Variants in ZNF469 observed in about 807,000 individuals in gnomAD.
The protein encoded by ZNF469 is zinc finger protein 469.
Under a neutral mutation model 1.0 loss-of-function variants are expected in ZNF469, and 1 was observed. That is an observed-to-expected ratio of 1.00 (90% CI 0.35 to 4.73). The LOEUF (loss-of-function observed/expected upper bound fraction) is 4.73, where lower values mean the gene tolerates loss of function less well. ZNF469 is among the 30% of genes most tolerant of loss of function. The pLI, the probability that ZNF469 is intolerant of heterozygous loss-of-function variation, is 0.16. For missense variants in ZNF469, 6,100 were observed against 5,356.3 expected, an observed-to-expected ratio of 1.14 and a Z score of -4.33; for synonymous variants, 2,703 against 2,363.4, an observed-to-expected ratio of 1.14 and a Z score of -4.17.
At chr16:88,384,552 C>T (rs1025776857) in intron 1 of ZNF469, among the ~76,000 whole-genome samples, 3 of 152,200 alleles carry the variant, frequency 2.0e-5, no homozygotes, top group African/African-American at 7.2e-5. Flanking sequence ...ATGCGCCTGG[C>T]AGGTCCCAGA....
intron 1 of ZNF469, among the ~76,000 whole-genome samples, chr16:88,400,859 T>C (rs1904833766): frequency 6.6e-6 from 1 of 151,124 alleles, no homozygotes. Context: ...CCCAAGACAG[T>C]GGTTACCACC....
chr16:88,376,201 T>G, the ZNF469 span, among the ~76,000 whole-genome samples: 3 of 152,204 alleles, frequency 2.0e-5, no homozygotes, highest in Admixed American at 2.0e-4. Context: ...CACACATCAA[T>G]GCGCCTTTTA....
the ZNF469 span, among the ~76,000 whole-genome samples, chr16:88,251,536 G>GTGTTTTTTTTT: frequency 4.2e-3 from 332 of 78,792 alleles, 47 homozygotes; most frequent in Non-Finnish European, 6.0e-3. Flanking sequence ...TGTCCCTGCT[G>GTGTTTTTTTTT]TCTTTTTTTT....
At chr16:88,423,707 C>T (rs1328931235) in intron 1 of ZNF469, among the ~76,000 whole-genome samples, 3 of 152,196 alleles carry the variant, frequency 2.0e-5, no homozygotes, top group Non-Finnish European at 4.4e-5. Context: ...CAAGATGGCT[C>T]CCTCACACAG....
chr16:88,122,111 GTCAC>G, the ZNF469 span, among the ~76,000 whole-genome samples: 5 of 143,950 alleles, frequency 3.5e-5, no homozygotes, highest in African/African-American at 1.0e-4. Flanking sequence ...ATCACACTCT[GTCAC>G]TCACTGTGGC....
chr16:88,403,949 G>A (rs980627891), intron 1 of ZNF469, among the ~76,000 whole-genome samples: 4 of 152,190 alleles, frequency 2.6e-5, no homozygotes, highest in South Asian at 2.1e-4. Flanking sequence ...CTGTGGCTTC[G>A]GGCGGTGCTG....
At chr16:88,380,208 C>T (rs531632318), upstream of ZNF469, among the ~76,000 whole-genome samples, 4 of 151,496 alleles carry the variant, frequency 2.6e-5, no homozygotes, top group Admixed American at 2.0e-4. Flanking sequence ...GACATGCACT[C>T]ACACACAAAT....
chr16:88,396,439 G>T (rs1319172077), intron 1 of ZNF469, among the ~76,000 whole-genome samples: 1 of 150,850 alleles, frequency 6.6e-6, no homozygotes, highest in African/African-American at 2.4e-5. Flanking sequence ...GCTGGGAGGA[G>T]ACCCTTATGA....
chr16:88,393,288 C>T (rs920196490), intron 1 of ZNF469, among the ~76,000 whole-genome samples: 1 of 152,272 alleles, frequency 6.6e-6, no homozygotes, highest in Admixed American at 6.5e-5. Flanking sequence ...ATGCCCACAG[C>T]AGGGTCAGCC....
intron 1 of ZNF469, among the ~76,000 whole-genome samples, chr16:88,391,586 G>T (rs1904493634): frequency 6.6e-6 from 1 of 152,280 alleles, no homozygotes; most frequent in Non-Finnish European, 1.5e-5. Flanking sequence ...CAATGCCTCG[G>T]GATCGGGAGC....
At chr16:88,396,958 C>CCTG (rs1904696798) in intron 1 of ZNF469, among the ~76,000 whole-genome samples, 2 of 94,774 alleles carry the variant, frequency 2.1e-5, no homozygotes, top group South Asian at 3.1e-4. Context: ...AGGAGACCCT[C>CCTG]ATGAAGGGAG....
At chr16:88,102,499 T>C in the ZNF469 span, among the ~76,000 whole-genome samples, 1 of 152,118 alleles carries the variant, frequency 6.6e-6, no homozygotes, top group Admixed American at 6.5e-5. Context: ...TGAGACTTCG[T>C]CTCAAAAAAC....
chr16:88,152,577 G>A, the ZNF469 span, among the ~76,000 whole-genome samples: 3 of 152,184 alleles, frequency 2.0e-5, no homozygotes, highest in South Asian at 2.1e-4. This position sits in a 1 kb window ranked among gnomAD's most constrained non-coding sequence, Gnocchi z 4.2. Context: ...CAGCCCTGAC[G>A]GAGTCCTGGC....
At position 88,431,941 on chromosome 16, in the gene ZNF469, ACGGTGC is replaced by A. The variant is rs2142306153; in HGVS notation, c.4474_4479del (p.Val1492_Pro1493del). On this transcript the variant is annotated inframe_deletion, in exon 3 of 3. Coordinates refer to ENST00000565624, the MANE Select transcript of ZNF469 (RefSeq NM_001367624.2). ...CGCATGTGCCGACCCTCCCCAGAAG[ACGGTGC>A]CGTCAGATCCACCGTACCCCTCTTT... 6.5e-6 allele frequency: 10 copies of A among 1,549,004 alleles called. 1 individual carries two copies. The highest frequency in any genetic ancestry group is 8.7e-6 in the Non-Finnish European group (10 of 1,146,942).
At chr16:88,382,756 C>G (rs181053447), upstream of ZNF469, among the ~76,000 whole-genome samples, 2,354 of 152,364 alleles carry the variant, frequency 0.015, 46 homozygotes, top group Admixed American at 0.06. Flanking sequence ...GCGTTTCCGT[C>G]TCAGCAGCAA....
the ZNF469 span, among the ~76,000 whole-genome samples, chr16:88,171,316 G>A: frequency 6.1e-4 from 93 of 152,300 alleles, no homozygotes; most frequent in African/African-American, 1.9e-3. Context: ...TTGAGAATTC[G>A]AAGTGATCAC....
chr16:88,188,696 G>A, the ZNF469 span, among the ~76,000 whole-genome samples: 1 of 152,128 alleles, frequency 6.6e-6, no homozygotes, highest in African/African-American at 2.4e-5. Flanking sequence ...CTCCAGGCTG[G>A]GAACACGGAT....
At chr16:88,206,387 T>G in the ZNF469 span, among the ~76,000 whole-genome samples, 3,005 of 152,190 alleles carry the variant, frequency 0.02, 97 homozygotes, top group African/African-American at 0.068. Context: ...ATTCATTGCA[T>G]TGATTTATTT....
the ZNF469 span, among the ~76,000 whole-genome samples, chr16:88,179,784 A>G: frequency 0.17 from 26,627 of 152,206 alleles, 2,909 homozygotes; most frequent in South Asian, 0.36. Context: ...AAGATAATTG[A>G]CTACCTGAAG....
Sources: gnomAD v4.1 joint callset for allele counts (sites outside exome capture counted in the v4.1 genomes callset) on GRCh38, gnomAD v4.1.1 for gene constraint, Gnocchi (gnomAD v3.1) non-coding constraint, MANE v1.5 for transcripts, NCBI Gene and HGNC (gene_info 2026-07-23, HGNC 2026-07-21) for gene names.